SHROOM3: variants seen among roughly 807,000 people sequenced by gnomAD.
SHROOM3 encodes the protein protein Shroom3.
A neutral mutation model predicts 138.6 loss-of-function variants in SHROOM3; 47 were observed. That is an observed-to-expected ratio of 0.34 (90% CI 0.27 to 0.43). SHROOM3 has a LOEUF of 0.43. SHROOM3 is among the 20% of genes least tolerant of loss of function. The pLI, the probability that SHROOM3 is intolerant of heterozygous loss-of-function variation, is 1.00. For synonymous variants in SHROOM3, 1,062 were observed against 1,063.3 expected (o/e 1.00, Z 0.02); for missense variants, 2,491 against 2,596.5 (o/e 0.96, Z 0.88).
chr4:76,762,698 C>T (rs1019546137), intron 9 of SHROOM3, among the ~76,000 whole-genome samples: 38 of 152,332 alleles, frequency 2.5e-4, no homozygotes, highest in African/African-American at 7.5e-4. Context: ...AACACACCTT[C>T]TCTGTTTCAG....
At chr4:76,581,970 A>G (rs1319645858) in intron 2 of SHROOM3, among the ~76,000 whole-genome samples, 2 of 152,248 alleles carry the variant, frequency 1.3e-5, no homozygotes, top group African/African-American at 2.4e-5. Context: ...AGTGAGATGT[A>G]CAGGACACCT....
intron 1 of SHROOM3, among the ~76,000 whole-genome samples, chr4:76,541,087 T>C (rs1350306060): frequency 6.6e-6 from 1 of 152,210 alleles, no homozygotes; most frequent in Non-Finnish European, 1.5e-5. Context: ...GAAGTTCTCT[T>C]TTCCTTATTT....
At chr4:76,595,349 T>C (rs1047401890) in intron 2 of SHROOM3, among the ~76,000 whole-genome samples, 1 of 152,330 alleles carries the variant, frequency 6.6e-6, no homozygotes, top group East Asian at 1.9e-4. Flanking sequence ...ACAGACATGG[T>C]GCCAGGGTTA....
chr4:76,761,002 T>C (rs2110148542), intron 9 of SHROOM3, among the ~76,000 whole-genome samples: 1 of 152,340 alleles, frequency 6.6e-6, no homozygotes, highest in African/African-American at 2.4e-5. Context: ...TACTCATTGC[T>C]TTTCCTCCCT....
intron 2 of SHROOM3, among the ~76,000 whole-genome samples, chr4:76,610,829 T>C (rs56408679): frequency 0.084 from 12,755 of 152,260 alleles, 591 homozygotes; most frequent in East Asian, 0.14. Context: ...AGGGATTTCG[T>C]GTGCAGGTTC....
rs202238755 is a variant in SHROOM3, at chr4:76,740,054, G to A, written c.1881G>A (p.Glu627=). 36 of 1,613,712 alleles carry A rather than the reference G, an allele frequency of 2.2e-5. No homozygotes were observed. Among genetic ancestry groups the A allele is most frequent in the Non-Finnish European group, 2.7e-5 (32 of 1,180,038 alleles). Residue 627 remains glutamate (E), a synonymous_variant, in exon 5 of 11, where the codon GAG becomes GAA. Transcript: ENST00000296043. This position sits in a 1 kb window ranked among gnomAD's most constrained non-coding sequence, Gnocchi z 4.0. ...KRSSRLSEPW[E]GDFQEDHNAN... ...CTTCCAGGCTCTCAGAGCCCTGGGA[G>A]GGCGATTTCCAGGAAGACCACAATG...
In SHROOM3 at chr4:76,783,185, AT is replaced by A. The variant is rs1336544714; in HGVS notation, c.*4013del. The A allele has an allele frequency of 1.3e-5, 2 of 152,242 alleles. No homozygotes were observed. Among genetic ancestry groups the A allele is most frequent in the African/African-American group, 4.8e-5 (2 of 41,466 alleles). The allele number at this position is 152,242 out of a possible 1,614,324, so 9.4% of individuals were successfully genotyped here. A position where few individuals can be genotyped will look rare whatever the true frequency, so the allele number is the denominator to read the frequency against. On this transcript the variant is annotated 3_prime_UTR_variant, in exon 11 of 11. Coordinates refer to ENST00000296043, the MANE Select transcript of SHROOM3 (RefSeq NM_020859.4). ...TAACATGAATTTAATAATCTGAATA[AT>A]TTTTAAAATTTAAATAAACAGAAAT...
At chr4:76,542,914 A>T (rs1352901914) in intron 1 of SHROOM3, among the ~76,000 whole-genome samples, 6 of 152,124 alleles carry the variant, frequency 3.9e-5, no homozygotes, top group Non-Finnish European at 7.4e-5. Context: ...AAAGGAATAG[A>T]CCACTCTGCT....
intron 1 of SHROOM3, among the ~76,000 whole-genome samples, chr4:76,461,795 G>A (rs1219695059): frequency 6.6e-6 from 1 of 152,164 alleles, no homozygotes; most frequent in Non-Finnish European, 1.5e-5. Flanking sequence ...CTTTGCTCAA[G>A]TTATCACATC....
At chr4:76,476,284 T>A (rs1409182504) in intron 1 of SHROOM3, among the ~76,000 whole-genome samples, 1 of 152,230 alleles carries the variant, frequency 6.6e-6, no homozygotes, top group Non-Finnish European at 1.5e-5. Flanking sequence ...GTGTGCTTTG[T>A]ACACAAGGAG....
At chr4:76,442,047 T>C (rs1248648189) in intron 1 of SHROOM3, among the ~76,000 whole-genome samples, 1 of 152,172 alleles carries the variant, frequency 6.6e-6, no homozygotes, top group Non-Finnish European at 1.5e-5. Flanking sequence ...ATTATACAGG[T>C]ATATAAAGGT....
At chr4:76,719,882 T>A (rs771537303) in intron 3 of SHROOM3, among the ~76,000 whole-genome samples, 1 of 152,190 alleles carries the variant, frequency 6.6e-6, no homozygotes, top group Non-Finnish European at 1.5e-5. Context: ...AAAGGGGCTG[T>A]ATCTTTTATG....
chr4:76,653,009 C>A (rs1385759742), intron 2 of SHROOM3, among the ~76,000 whole-genome samples: 1 of 152,004 alleles, frequency 6.6e-6, no homozygotes, highest in Non-Finnish European at 1.5e-5. Context: ...TTCCATTGAT[C>A]CTCAGTAGGA....
At chr4:76,630,813 C>T (rs554156546) in intron 2 of SHROOM3, among the ~76,000 whole-genome samples, 1 of 152,268 alleles carries the variant, frequency 6.6e-6, no homozygotes, top group African/African-American at 2.4e-5. Flanking sequence ...CTGTGGATTA[C>T]AGTCAGAGAT....
chr4:76,735,063 T>C (rs1720994955), intron 4 of SHROOM3, among the ~76,000 whole-genome samples: 1 of 152,104 alleles, frequency 6.6e-6, no homozygotes, highest in Non-Finnish European at 1.5e-5. Context: ...AGGGAAACTA[T>C]TATGCTGGAG....
chr4:76,580,485 T>A (rs1220227211), intron 2 of SHROOM3, among the ~76,000 whole-genome samples: 1 of 138,528 alleles, frequency 7.2e-6, no homozygotes, highest in Non-Finnish European at 1.5e-5. Context: ...GGAGTTTCGC[T>A]CTTGTTGTCC....
chr4:76,661,234 C>CTTTTTTTTTTTTTTTTTTT (rs912334272), intron 2 of SHROOM3, among the ~76,000 whole-genome samples: 10 of 146,020 alleles, frequency 6.8e-5, no homozygotes, highest in African/African-American at 2.5e-4. Flanking sequence ...AATCCATTTT[C>CTTTTTTTTTTTTTTTTTTT]TTTTTTTTTT....
intron 2 of SHROOM3, among the ~76,000 whole-genome samples, chr4:76,684,935 A>T (rs548112589): frequency 6.6e-6 from 1 of 152,318 alleles, no homozygotes; most frequent in South Asian, 2.1e-4. Flanking sequence ...TTCCATTTTA[A>T]CATCTTCTTC....
At chr4:76,498,092 C>A (rs1394401492) in intron 1 of SHROOM3, among the ~76,000 whole-genome samples, 1 of 152,134 alleles carries the variant, frequency 6.6e-6, no homozygotes, top group Non-Finnish European at 1.5e-5. Flanking sequence ...TGTTCTCTTG[C>A]CTCTAGTCAT....
Sources: allele counts gnomAD v4.1 joint callset (sites outside exome capture counted in the v4.1 genomes callset), GRCh38; gene constraint gnomAD v4.1.1; non-coding constraint Gnocchi (gnomAD v3.1); transcripts MANE v1.5; gene names NCBI Gene and HGNC (gene_info 2026-07-23, HGNC 2026-07-21).